Variants in NRXN3 observed in about 807,000 individuals in gnomAD.
NRXN3 encodes neurexin 3.
NRXN3 carries 32 observed loss-of-function variants against 137.6 expected under a neutral mutation model. The ratio of observed to expected loss-of-function variants is 0.23; its 90% CI spans 0.18 to 0.31. The LOEUF is 0.31. Ranked by LOEUF, NRXN3 falls within the 10% of genes least tolerant of loss-of-function variation. NRXN3 has a pLI of 1.00. For missense variants in NRXN3, 1,574 were observed against 2,062.5 expected (o/e 0.76, Z 4.59); for synonymous variants, 798 against 784.5 (o/e 1.02, Z -0.29).
chr14:79,191,633 G>GT (rs1240473724), intron 15 of NRXN3, among the ~76,000 whole-genome samples: 1 of 152,162 alleles, frequency 6.6e-6, no homozygotes, highest in Non-Finnish European at 1.5e-5. Flanking sequence ...ATTGATGACA[G>GT]TAAACACAAT....
At chr14:79,127,797 C>T (rs1306008503) in intron 15 of NRXN3, among the ~76,000 whole-genome samples, 1 of 152,142 alleles carries the variant, frequency 6.6e-6, no homozygotes, top group Non-Finnish European at 1.5e-5. Flanking sequence ...ATTGATTCTT[C>T]CTACCGATGA....
chr14:79,731,071 G>C (rs908466299), intron 19 of NRXN3, among the ~76,000 whole-genome samples: 14 of 152,224 alleles, frequency 9.2e-5, no homozygotes, highest in African/African-American at 3.1e-4. Flanking sequence ...ACTGCGGGTT[G>C]CTAAGGAGTG....
chr14:79,007,076 C>T (rs1192090406), intron 15 of NRXN3, among the ~76,000 whole-genome samples: 2 of 151,756 alleles, frequency 1.3e-5, no homozygotes, highest in African/African-American at 4.8e-5. Flanking sequence ...ATAACCACTC[C>T]CACCCCCCAA....
intron 16 of NRXN3, among the ~76,000 whole-genome samples, chr14:79,479,712 A>AT (rs2096590184): frequency 6.6e-6 from 1 of 151,950 alleles, no homozygotes; most frequent in African/African-American, 2.4e-5. Flanking sequence ...TTTACATTAC[A>AT]TTTTTTGCTT....
chr14:78,826,769 T>A (rs2098967894), intron 10 of NRXN3, among the ~76,000 whole-genome samples: 1 of 152,204 alleles, frequency 6.6e-6, no homozygotes, highest in South Asian at 2.1e-4. Context: ...CTTTTAATAC[T>A]ACTGTTTTAA....
intron 8 of NRXN3, among the ~76,000 whole-genome samples, chr14:78,748,873 A>G (rs1037310843): frequency 3.3e-5 from 5 of 152,150 alleles, no homozygotes; most frequent in African/African-American, 1.2e-4. Context: ...CCTTCACCCA[A>G]AGCAATCACT....
chr14:78,862,059 C>A lies in NRXN3; in HGVS notation c.2275+51715C>A, dbSNP rs74067151. Among the ~76,000 whole-genome samples the A allele has an allele frequency of 3.8e-3, 577 of 152,188 alleles. 5 individuals are homozygous for A. The highest frequency in any genetic ancestry group is 0.013 in the African/African-American group (534 of 41,550). On this transcript the variant is annotated intron_variant, in intron 10 of 20. Coordinates refer to ENST00000335750, the MANE Select transcript of NRXN3 (RefSeq NM_001330195.2). ...AGTTGTACTAGTAAACAACTAAAAC[C>A]TCTACATAAGGCAGTTTAATATTGA...
rs373358092 is a variant in NRXN3, at chr14:79,009,543, TG to T, written c.3262+21407del. The stretch of plus-strand genomic sequence containing the variant: ...TCCTCAAGTCTATAGGGAGGTGCTG[TG>T]GGGGAGTTTTCTCATTTTCCAGAAT... On this transcript the variant is annotated intron_variant, in intron 15 of 20. Transcript: ENST00000335750. Among the ~76,000 whole-genome samples the T allele has an allele frequency of 2.1e-3, 319 of 152,172 alleles. 1 individual carries two copies. The highest frequency in any genetic ancestry group is 6.7e-3 in the African/African-American group (277 of 41,524).
At chr14:78,289,585 G>GT (rs112421375) in intron 3 of NRXN3, among the ~76,000 whole-genome samples, 2,496 of 146,902 alleles carry the variant, frequency 0.017, 50 homozygotes, top group African/African-American at 0.051. Context: ...AAATGTGCTT[G>GT]TTTTTTTTTT....
chr14:79,721,442 T>A (rs2098844213), intron 19 of NRXN3, among the ~76,000 whole-genome samples: 1 of 152,102 alleles, frequency 6.6e-6, no homozygotes. Flanking sequence ...CTTGAAAATG[T>A]TGAAAACACA....
chr14:79,698,087 G>C, intron 19 of NRXN3, 150 bp downstream of exon 19: 2 of 716,588 alleles, frequency 2.8e-6, no homozygotes, highest in South Asian at 4.0e-5. Flanking sequence ...CAGGAGAAGA[G>C]AAAGGTGAAG....
At chr14:78,190,610 CATTTATTTATTTATTT>C (rs753449383) in intron 1 of NRXN3, among the ~76,000 whole-genome samples, 6 of 146,650 alleles carry the variant, frequency 4.1e-5, no homozygotes, top group African/African-American at 1.3e-4. Context: ...GTGTCAGTAA[CATTTATTTATTTATTT>C]ATTTATTTAT....
At chr14:79,055,532 G>T (rs1352727386) in intron 15 of NRXN3, among the ~76,000 whole-genome samples, 1 of 152,058 alleles carries the variant, frequency 6.6e-6, no homozygotes, top group Non-Finnish European at 1.5e-5. Context: ...AAAGGTTAGA[G>T]GAAAACATCT....
chr14:78,855,124 G>T (rs1268463314), intron 10 of NRXN3, among the ~76,000 whole-genome samples: 5 of 151,156 alleles, frequency 3.3e-5, no homozygotes, highest in Non-Finnish European at 5.9e-5. Flanking sequence ...AGATCACGCT[G>T]CTGCACTCCA....
At chr14:78,723,684 CAA>C (rs10566522) in intron 8 of NRXN3, among the ~76,000 whole-genome samples, 9,024 of 152,238 alleles carry the variant, frequency 0.059, 407 homozygotes, top group African/African-American at 0.13. Flanking sequence ...ATTGTAGAAT[CAA>C]AGTGTATAAT....
chr14:79,258,022 A>G (rs1013239132), intron 15 of NRXN3, among the ~76,000 whole-genome samples: 1 of 152,128 alleles, frequency 6.6e-6, no homozygotes. Context: ...TCTTCCTACA[A>G]GACATAATGA....
At chr14:78,355,832 A>T (rs2084219541) in intron 4 of NRXN3, among the ~76,000 whole-genome samples, 2 of 152,196 alleles carry the variant, frequency 1.3e-5, no homozygotes, top group African/African-American at 4.8e-5. Flanking sequence ...ATTGGTTAGG[A>T]GAGTTGAGGC....
chr14:79,280,928 G>T (rs971695587), intron 15 of NRXN3: 34 of 185,300 alleles, frequency 1.8e-4, no homozygotes, highest in African/African-American at 7.7e-4. Context: ...TCTTTGCTGT[G>T]GTCTTGCTTG....
intron 10 of NRXN3, among the ~76,000 whole-genome samples, chr14:78,836,865 A>C (rs964618031): frequency 6.6e-6 from 1 of 152,188 alleles, no homozygotes; most frequent in Non-Finnish European, 1.5e-5. Context: ...GATGTTCTAC[A>C]GTGTTCCAGG....
Sources: allele counts gnomAD v4.1 joint callset (sites outside exome capture counted in the v4.1 genomes callset), GRCh38; gene constraint gnomAD v4.1.1; transcripts MANE v1.5; gene names NCBI Gene and HGNC (gene_info 2026-07-23, HGNC 2026-07-21).